AOPEP: variants seen among roughly 807,000 people sequenced by gnomAD.
AOPEP encodes the protein aminopeptidase O (putative).
Under a neutral mutation model 98.1 loss-of-function variants are expected in AOPEP, and 77 were observed. That is an observed-to-expected ratio of 0.78 (90% confidence interval 0.65 to 0.95). AOPEP has a LOEUF of 0.95. Among genes scored for constraint, AOPEP ranks in the 40% least tolerant of loss-of-function variants. AOPEP has a pLI of 0.00. For synonymous variants in AOPEP, 346 were observed against 365.3 expected, an observed-to-expected ratio of 0.95 and a Z score of 0.60; for missense variants, 1,024 against 1,024.7, an observed-to-expected ratio of 1.00 and a Z score of 0.01.
At chr9:94,910,294 T>C (rs1786378267) in intron 5 of AOPEP, among the ~76,000 whole-genome samples, 1 of 152,160 alleles carries the variant, frequency 6.6e-6, no homozygotes, top group Admixed American at 6.5e-5. Flanking sequence ...GGGTACTCTC[T>C]CTTACCCTGG....
chr9:94,955,468 C>G (rs2137971299), intron 8 of AOPEP, among the ~76,000 whole-genome samples, 189 bp downstream of exon 8: 1 of 152,336 alleles, frequency 6.6e-6, no homozygotes, highest in South Asian at 2.1e-4. Context: ...TTAGGAAAGA[C>G]TGAATGAACA....
intron 13 of AOPEP, among the ~76,000 whole-genome samples, chr9:95,052,971 A>G (rs2066511821): frequency 6.6e-6 from 1 of 152,130 alleles, no homozygotes; most frequent in South Asian, 2.1e-4. Context: ...TAGAGAGACA[A>G]TGATAGGTTT....
chr9:94,935,615 C>T (rs1284212314), intron 7 of AOPEP, among the ~76,000 whole-genome samples: 2 of 152,134 alleles, frequency 1.3e-5, no homozygotes, highest in Non-Finnish European at 2.9e-5. Context: ...CTTCCAGCTC[C>T]ATGTGTTCAC....
At chr9:94,955,838 T>C (rs2058413188) in intron 8 of AOPEP, 70 bp from the exon 9 acceptor site, 1 of 1,056,988 alleles carries the variant, frequency 9.5e-7, no homozygotes, top group South Asian at 1.4e-5. Context: ...TAGGTAGGGC[T>C]GACTATATAA....
intron 6 of AOPEP, among the ~76,000 whole-genome samples, chr9:94,927,267 A>T (rs964635533): frequency 1.3e-5 from 2 of 151,976 alleles, no homozygotes; most frequent in Admixed American, 1.3e-4. Context: ...AACCTTAATG[A>T]CCTCCTTGAA....
chr9:94,744,701 C>CAAAAAAAAAAAA (rs757571360), intron 1 of AOPEP, among the ~76,000 whole-genome samples: 6 of 56,050 alleles, frequency 1.1e-4, no homozygotes, highest in East Asian at 5.2e-4. Context: ...GACTCTGTCT[C>CAAAAAAAAAAAA]AAAAAAAAAA....
At chr9:94,866,057 G>A (rs765437302) in intron 5 of AOPEP, among the ~76,000 whole-genome samples, 1 of 152,134 alleles carries the variant, frequency 6.6e-6, no homozygotes, top group Admixed American at 6.5e-5. Context: ...GAAATTCTCC[G>A]AACACAAAAG....
the AOPEP span, among the ~76,000 whole-genome samples, chr9:95,127,591 G>A: frequency 6.6e-6 from 1 of 152,234 alleles, no homozygotes; most frequent in Non-Finnish European, 1.5e-5. Context: ...GTGCGCCCAG[G>A]GGGCGGGGAC....
chr9:95,144,803 C>T, the AOPEP span, among the ~76,000 whole-genome samples: 3 of 152,258 alleles, frequency 2.0e-5, no homozygotes, highest in Middle Eastern at 3.4e-3. Flanking sequence ...GGCCGTGAAG[C>T]GTGTGCTCCA....
At chr9:94,823,767 A>G (rs1304643239) in intron 5 of AOPEP, among the ~76,000 whole-genome samples, 1 of 152,232 alleles carries the variant, frequency 6.6e-6, no homozygotes, top group African/African-American at 2.4e-5. Context: ...CCTCAGAAGT[A>G]GGGAAATCTC....
At chr9:94,916,715 TAAA>T (rs2052881252) in intron 5 of AOPEP, among the ~76,000 whole-genome samples, 1 of 148,322 alleles carries the variant, frequency 6.7e-6, no homozygotes, top group Non-Finnish European at 1.5e-5. Context: ...AAAAATTAAA[TAAA>T]TAAATAAATA....
intron 13 of AOPEP, among the ~76,000 whole-genome samples, chr9:95,006,588 A>G (rs2062037915): frequency 6.6e-6 from 1 of 152,168 alleles, no homozygotes; most frequent in South Asian, 2.1e-4. Context: ...AGAGCTGGAA[A>G]AGGAACCAGC....
the AOPEP span, among the ~76,000 whole-genome samples, chr9:95,102,950 C>T: frequency 6.6e-6 from 1 of 152,208 alleles, no homozygotes; most frequent in Non-Finnish European, 1.5e-5. Context: ...ACGGGGGCTC[C>T]GGCTGTAGCC....
chr9:95,086,620 C>G, intron 16 of AOPEP, 62 bp from the exon 17 acceptor site: 2 of 988,160 alleles, frequency 2.0e-6, no homozygotes, highest in Non-Finnish European at 2.4e-6. Context: ...CACAGAGGTG[C>G]GCGCTCACAA....
intron 9 of AOPEP, among the ~76,000 whole-genome samples, chr9:94,959,903 T>C (rs2058701624): frequency 6.6e-6 from 1 of 152,220 alleles, no homozygotes; most frequent in African/African-American, 2.4e-5. Flanking sequence ...ATGAAGTGTT[T>C]TAAATTTTCT....
chr9:94,895,499 A>G (rs2049422517), intron 5 of AOPEP, among the ~76,000 whole-genome samples: 1 of 152,058 alleles, frequency 6.6e-6, no homozygotes, highest in Non-Finnish European at 1.5e-5. Flanking sequence ...AAAACAAGAC[A>G]AGGTACCTAC....
In AOPEP at chr9:95,013,228, GTAT is replaced by G. The variant is rs577583054; in HGVS notation, c.2115+7616_2115+7618del. Among the ~76,000 whole-genome samples the G allele has an allele frequency of 1.8e-3, 266 of 151,890 alleles. 1 individual carries two copies. Among genetic ancestry groups the G allele is most frequent in the African/African-American group, 6.1e-3 (251 of 41,440 alleles). On this transcript the variant is annotated intron_variant, in intron 13 of 16. Coordinates refer to ENST00000375315, the MANE Select transcript of AOPEP (RefSeq NM_001193329.3). ...CCCTTAGTTTTATGATTTTTTAAAA[GTAT>G]TATCCTTTTTTGGCATTTAGGAAGG...
intron 9 of AOPEP, among the ~76,000 whole-genome samples, chr9:94,966,504 T>C (rs1398228705): frequency 6.6e-6 from 1 of 152,230 alleles, no homozygotes; most frequent in African/African-American, 2.4e-5. Context: ...TAAAAGATTA[T>C]TTTCTATTTA....
intron 10 of AOPEP, among the ~76,000 whole-genome samples, chr9:94,975,776 C>G (rs1277284400): frequency 1.3e-5 from 2 of 152,212 alleles, no homozygotes; most frequent in African/African-American, 4.8e-5. Context: ...TCTGCCGTGT[C>G]CCTCTGCAAT....
Sources: gnomAD v4.1 joint callset for allele counts (sites outside exome capture counted in the v4.1 genomes callset) on GRCh38, gnomAD v4.1.1 for gene constraint, MANE v1.5 for transcripts, NCBI Gene and HGNC (gene_info 2026-07-23, HGNC 2026-07-21) for gene names.